Variants in STYXL1 observed in about 807,000 individuals in gnomAD.
The protein encoded by STYXL1 is serine/threonine/tyrosine interacting like 1.
Under a neutral mutation model 36.4 loss-of-function variants are expected in STYXL1, and 32 were observed. That is an observed-to-expected ratio of 0.88 (90% CI 0.66 to 1.18). The LOEUF (loss-of-function observed/expected upper bound fraction) is 1.18, where lower values mean the gene tolerates loss of function less well. STYXL1 is among the 50% of genes most tolerant of loss of function. The pLI, the probability that STYXL1 is intolerant of heterozygous loss-of-function variation, is 0.00. For missense variants in STYXL1, 354 were observed against 394.1 expected (o/e 0.90, Z 0.86); for synonymous variants, 133 against 144.1 (o/e 0.92, Z 0.55).
chr7:76,029,141 G>C (rs1795052660), intron 2 of STYXL1, among the ~76,000 whole-genome samples: 1 of 151,932 alleles, frequency 6.6e-6, no homozygotes, highest in Non-Finnish European at 1.5e-5. Context: ...AAATGGTAAG[G>C]GGAAGGAAGA....
At chr7:76,034,361 CAA>C (rs1554580254) in intron 1 of STYXL1, among the ~76,000 whole-genome samples, 3 of 152,138 alleles carry the variant, frequency 2.0e-5, no homozygotes, top group African/African-American at 4.8e-5. Flanking sequence ...TGCTCTGTAT[CAA>C]AGTCATCAAC....
chr7:75,998,066 A>G (rs1167613602), intron 8 of STYXL1, among the ~76,000 whole-genome samples: 2 of 152,176 alleles, frequency 1.3e-5, no homozygotes, highest in African/African-American at 4.8e-5. Flanking sequence ...TCCCAACAAC[A>G]TTTTTTGTAG....
Position 75,996,575 on chromosome 7 carries a change from ACTT to A in STYXL1, c.832_834del (p.Lys278del), listed in dbSNP as rs1790154182. ...CGATTTGGACACATGTTGTTTTTGC[ACTT>A]CTTGACATAGGCCCAGGACCTCTAT... On this transcript the variant is annotated inframe_deletion, in exon 9 of 9. Transcript: ENST00000359697. 1 of 1,614,208 alleles carries A rather than the reference ACTT, an allele frequency of 6.2e-7. No homozygotes were observed. The highest frequency in any genetic ancestry group is 2.2e-5 in the East Asian group (1 of 44,890).
intron 5 of STYXL1, among the ~76,000 whole-genome samples, chr7:76,011,870 T>C (rs114425891): frequency 0.017 from 2,615 of 152,284 alleles, 84 homozygotes; most frequent in African/African-American, 0.059. Flanking sequence ...AGCCACTGCC[T>C]CCCCTACAGA....
chr7:76,006,371 A>G (rs1791767737), intron 5 of STYXL1, among the ~76,000 whole-genome samples: 1 of 152,066 alleles, frequency 6.6e-6, no homozygotes, highest in Admixed American at 6.6e-5. Context: ...GCCACCCTGC[A>G]TGCCCAGAAA....
At chr7:76,037,736 G>A (rs1796060515) in intron 1 of STYXL1, among the ~76,000 whole-genome samples, 1 of 149,764 alleles carries the variant, frequency 6.7e-6, no homozygotes. Context: ...CAATTGATGG[G>A]CATTTGCTTC....
At chr7:76,027,082 T>G (rs1348219863) in intron 3 of STYXL1, among the ~76,000 whole-genome samples, 1 of 149,380 alleles carries the variant, frequency 6.7e-6, no homozygotes, top group African/African-American at 2.5e-5. Context: ...AAAAAAAGAA[T>G]AAAGAAAAGA....
At chr7:76,000,463 G>A (rs1253239636) in intron 8 of STYXL1, 6 of 457,450 alleles carry the variant, frequency 1.3e-5, no homozygotes, top group South Asian at 3.1e-5. Context: ...TAGGAGCTCC[G>A]AGTTCCGCCT....
intron 4 of STYXL1, among the ~76,000 whole-genome samples, chr7:76,016,404 C>G (rs550447006): frequency 2.7e-5 from 4 of 150,756 alleles, no homozygotes; most frequent in Non-Finnish European, 5.9e-5. Context: ...TGTATATATA[C>G]GTATATCTAT....
intron 1 of STYXL1, among the ~76,000 whole-genome samples, chr7:76,031,646 C>T (rs537891359): frequency 5.4e-5 from 8 of 149,404 alleles, no homozygotes; most frequent in East Asian, 4.0e-4. Context: ...ACCCGGGAGG[C>T]GGAGGTTGAA....
rs1790152326 is a variant in STYXL1, at chr7:75,996,565, T to C, written c.845A>G (p.Asn282Ser). ...SWAYVKKCKNNMCPNRGLVSQ... is the reference protein window; with the variant it reads ...SWAYVKKCKNSMCPNRGLVSQ... The stretch of plus-strand genomic sequence containing the variant: ...CACCAATCCCCGATTTGGACACATG[T>C]TGTTTTTGCACTTCTTGACATAGGC... Residue 282 changes from asparagine to serine, a missense_variant, in exon 9 of 9, where the codon AAC becomes AGC. Coordinates refer to ENST00000359697, the MANE Select transcript of STYXL1 (RefSeq NM_001317785.2). The C allele has an allele frequency of 1.9e-6, 3 of 1,614,208 alleles. No homozygotes were observed. Among genetic ancestry groups the C allele is most frequent in the Non-Finnish European group, 1.7e-6 (2 of 1,180,014 alleles).
At chr7:76,044,594 A>G (rs1554582934) in intron 1 of STYXL1, 2 of 152,118 alleles carry the variant, frequency 1.3e-5, no homozygotes, top group African/African-American at 4.8e-5. Flanking sequence ...GGAGCCTGAC[A>G]ATCTGTGATT....
intron 5 of STYXL1, among the ~76,000 whole-genome samples, chr7:76,005,851 A>G (rs1791620261): frequency 4.1e-5 from 1 of 24,150 alleles, no homozygotes; most frequent in Non-Finnish European, 1.0e-4. Flanking sequence ...AGGAAGAGAG[A>G]GGAGGAGAGA....
intron 3 of STYXL1, among the ~76,000 whole-genome samples, chr7:76,027,688 G>C (rs1026953098): frequency 6.6e-6 from 1 of 151,892 alleles, no homozygotes; most frequent in Non-Finnish European, 1.5e-5. Flanking sequence ...CATAAAAACA[G>C]AAAAAATAAT....
In STYXL1 at chr7:76,047,986, C is replaced by G. The variant is rs1797358984; in HGVS notation, c.-329G>C. ...CAGGATGGTCCCACAGCTTTCCTTT[C>G]CGACTCCCGGAAGTGGCCGTGATCT... On this transcript the variant is annotated 5_prime_UTR_variant, in exon 1 of 9. Coordinates refer to ENST00000359697, the MANE Select transcript of STYXL1 (RefSeq NM_001317785.2). 2 of 1,486,456 alleles carry G rather than the reference C, an allele frequency of 1.3e-6. No homozygotes were observed. Among genetic ancestry groups the G allele is most frequent in the South Asian group, 1.3e-5 (1 of 76,686 alleles). 92.1% of individuals were successfully genotyped at this position (1,486,456 alleles called of 1,614,324 possible). A position where few individuals can be genotyped will look rare whatever the true frequency, so the allele number is the denominator to read the frequency against.
chr7:76,037,971 G>A (rs1554581109), intron 1 of STYXL1, among the ~76,000 whole-genome samples: 1 of 150,216 alleles, frequency 6.7e-6, no homozygotes, highest in Admixed American at 6.6e-5. Flanking sequence ...AATACACACT[G>A]GCAAAGCTAT....
chr7:75,996,660 T>A, intron 8 of STYXL1, 61 bp from the exon 9 acceptor site: 1 of 1,559,928 alleles, frequency 6.4e-7, no homozygotes, highest in South Asian at 1.1e-5. Context: ...TCCACTTGGA[T>A]CAGAGGCAGC....
At chr7:75,997,009 GCC>G (rs1449923272) in intron 8 of STYXL1, among the ~76,000 whole-genome samples, 1 of 152,190 alleles carries the variant, frequency 6.6e-6, no homozygotes, top group Non-Finnish European at 1.5e-5. Context: ...AATTCAAGCT[GCC>G]CTCCTTCAGG....
At chr7:76,024,986 A>G (rs1419499377) in intron 3 of STYXL1, among the ~76,000 whole-genome samples, 1 of 147,692 alleles carries the variant, frequency 6.8e-6, no homozygotes, top group Non-Finnish European at 1.5e-5. Context: ...AGTACGACAT[A>G]TTCTGTTTTC....
Sources: allele counts gnomAD v4.1 joint callset (sites outside exome capture counted in the v4.1 genomes callset), GRCh38; gene constraint gnomAD v4.1.1; transcripts MANE v1.5; gene names NCBI Gene and HGNC (gene_info 2026-07-23, HGNC 2026-07-21).